The following NLGN1 variants were observed in gnomAD, a reference collection of about 807,000 sequenced individuals.
NLGN1 encodes neuroligin-1.
A neutral mutation model predicts 65.5 loss-of-function variants in NLGN1; 12 were observed. The ratio of observed to expected loss-of-function variants is 0.18; its 90% CI spans 0.12 to 0.30. The LOEUF is 0.30. Among genes scored for constraint, NLGN1 ranks in the 10% least tolerant of loss-of-function variants. NLGN1 has a pLI of 1.00. For missense variants in NLGN1, 750 were observed against 1,007.1 expected (o/e 0.74, Z 3.46); for synonymous variants, 350 against 359.5 (o/e 0.97, Z 0.30).
At chr3:174,150,808 A>T (rs766874956) in intron 4 of NLGN1, among the ~76,000 whole-genome samples, 2 of 152,132 alleles carry the variant, frequency 1.3e-5, no homozygotes, top group East Asian at 3.9e-4. Flanking sequence ...ATACAGTGGC[A>T]TAGGAAAACA....
intron 3 of NLGN1, among the ~76,000 whole-genome samples, chr3:173,609,162 G>T (rs1337581495): frequency 6.6e-6 from 1 of 151,938 alleles, no homozygotes; most frequent in Non-Finnish European, 1.5e-5. Context: ...ACATTGTCTG[G>T]CTCATGGATT....
chr3:173,653,498 A>G (rs900270374), intron 3 of NLGN1, among the ~76,000 whole-genome samples: 2 of 152,186 alleles, frequency 1.3e-5, no homozygotes, highest in Non-Finnish European at 2.9e-5. Flanking sequence ...TGAGATGATC[A>G]TATGCTTTCT....
chr3:173,548,318 G>A lies in NLGN1; in HGVS notation c.-320-55961G>A, dbSNP rs953593152. Among the ~76,000 whole-genome samples the A allele has an allele frequency of 3.3e-5, 5 of 152,026 alleles. No individual in the cohort carries two copies. The South Asian group carries it at 1.0e-3, about 31-fold the overall frequency. ...ATGACATTTGACCAAGGCAGACGAA[G>A]ATACAAAAACCTATGTAAAATGATT... is the stretch of plus-strand genomic sequence containing the variant. On this transcript the variant is annotated intron_variant, in intron 2 of 6. Coordinates refer to ENST00000457714, the Ensembl canonical transcript of NLGN1.
chr3:174,057,870 T>C (rs1216994858), intron 4 of NLGN1: 2 of 152,112 alleles, frequency 1.3e-5, no homozygotes, highest in African/African-American at 4.8e-5. Flanking sequence ...TAATTTTATA[T>C]AATTTGCTAA....
At chr3:173,428,784 T>A (rs999950765) in intron 1 of NLGN1, among the ~76,000 whole-genome samples, 5 of 152,140 alleles carry the variant, frequency 3.3e-5, no homozygotes. Flanking sequence ...ATTCTTTTTT[T>A]TTCATATTGA....
chr3:174,288,957 T>A (rs1364672059), downstream of NLGN1, among the ~76,000 whole-genome samples: 1 of 151,454 alleles, frequency 6.6e-6, no homozygotes, highest in African/African-American at 2.4e-5. Context: ...TTATTGTATG[T>A]TCAGGATATT....
intron 3 of NLGN1, among the ~76,000 whole-genome samples, chr3:173,642,191 T>C (rs1015278328): frequency 1.3e-5 from 2 of 152,102 alleles, no homozygotes; most frequent in South Asian, 2.1e-4. Context: ...GGAGTTCCAA[T>C]ACAATGGATG....
At position 174,100,958 on chromosome 3, in the gene NLGN1, G is replaced by C. The variant is rs75172256; in HGVS notation, c.647-174357G>C. The stretch of plus-strand genomic sequence containing the variant: ...CAGCCATCATACTTCTAGAGGCTCC[G>C]TTTTCCCCTCTGCAGCAAGTACGAG... On this transcript the variant is annotated intron_variant, in intron 4 of 6. Transcript: ENST00000457714. 6.8e-3 allele frequency among the ~76,000 whole-genome samples: 1,030 copies of C among 152,050 alleles called. 66 individuals carry two copies. The East Asian group carries it at 0.16, about 24-fold the overall frequency.
At chr3:173,692,773 T>C (rs1765660597) in intron 3 of NLGN1, among the ~76,000 whole-genome samples, 1 of 152,068 alleles carries the variant, frequency 6.6e-6, no homozygotes, top group African/African-American at 2.4e-5. Context: ...TACTTAGAAG[T>C]CTTTAGCTGC....
intron 2 of NLGN1, among the ~76,000 whole-genome samples, chr3:173,446,327 G>T (rs1316133958): frequency 6.8e-6 from 1 of 146,548 alleles, no homozygotes; most frequent in East Asian, 2.1e-4. Context: ...TGGTTTTTTT[G>T]TCCTTGCAAT....
chr3:173,689,692 T>C (rs530985303), intron 3 of NLGN1, among the ~76,000 whole-genome samples: 1 of 152,286 alleles, frequency 6.6e-6, no homozygotes, highest in Non-Finnish European at 1.5e-5. Context: ...TATCTTGAAT[T>C]ATTTTTCATT....
At chr3:173,587,182 T>C (rs1290883981) in intron 2 of NLGN1, among the ~76,000 whole-genome samples, 2 of 152,226 alleles carry the variant, frequency 1.3e-5, no homozygotes, top group Non-Finnish European at 2.9e-5. Flanking sequence ...TGTGCCTTTG[T>C]AGTGCCTGGA....
intron 4 of NLGN1, among the ~76,000 whole-genome samples, chr3:174,135,740 A>G (rs987257898): frequency 3.3e-5 from 5 of 152,280 alleles, no homozygotes; most frequent in South Asian, 2.1e-4. Context: ...TAAAATAAAA[A>G]TTGAATTTTA....
chr3:173,931,086 A>G (rs1744000614), intron 4 of NLGN1, among the ~76,000 whole-genome samples: 1 of 152,160 alleles, frequency 6.6e-6, no homozygotes, highest in African/African-American at 2.4e-5. Context: ...CTCAATCTCT[A>G]TGATTGCTTA....
intron 2 of NLGN1, among the ~76,000 whole-genome samples, chr3:173,508,709 T>C (rs578213833): frequency 6.6e-6 from 1 of 152,184 alleles, no homozygotes; most frequent in African/African-American, 2.4e-5. Context: ...AACCTTGAGT[T>C]TTTGTCCTGC....
chr3:173,465,714 A>G (rs1724233554), intron 2 of NLGN1, among the ~76,000 whole-genome samples: 1 of 152,198 alleles, frequency 6.6e-6, no homozygotes, highest in East Asian at 1.9e-4. Context: ...CATAAATCCT[A>G]TTGTTATATT....
At chr3:173,445,364 A>G (rs1476536365) in intron 2 of NLGN1, among the ~76,000 whole-genome samples, 1 of 151,550 alleles carries the variant, frequency 6.6e-6, no homozygotes, top group Non-Finnish European at 1.5e-5. Context: ...TTGGTATTCT[A>G]GTAAAATGAC....
intron 2 of NLGN1, among the ~76,000 whole-genome samples, chr3:173,491,906 A>G (rs1221771158): frequency 6.6e-6 from 1 of 151,766 alleles, no homozygotes; most frequent in Non-Finnish European, 1.5e-5. Flanking sequence ...ATCCTATGCT[A>G]TAACACCACT....
At chr3:173,787,627 T>G (rs112995713) in intron 3 of NLGN1, among the ~76,000 whole-genome samples, 1 of 152,200 alleles carries the variant, frequency 6.6e-6, no homozygotes, top group Non-Finnish European at 1.5e-5. Flanking sequence ...CCATAAAGCA[T>G]GAGGCCTCTT....
Sources: allele counts gnomAD v4.1 joint callset (sites outside exome capture counted in the v4.1 genomes callset), GRCh38; gene constraint gnomAD v4.1.1; transcripts MANE v1.5; gene names NCBI Gene and HGNC (gene_info 2026-07-23, HGNC 2026-07-21).